The following LYPD5 variants were observed in gnomAD, a reference collection of about 807,000 sequenced individuals.
LYPD5 encodes the protein ly6/PLAUR domain-containing protein 5.
A neutral mutation model predicts 19.1 loss-of-function variants in LYPD5; 21 were observed. That is an observed-to-expected ratio of 1.10 (90% CI 0.78 to 1.58). LYPD5 has a LOEUF of 1.58. Ranked by LOEUF, LYPD5 falls within the 40% of genes most tolerant of loss-of-function variation. LYPD5 has a pLI of 0.00. For synonymous variants in LYPD5, 128 were observed against 142.7 expected (o/e 0.90, Z 0.74); for missense variants, 287 against 329.8 (o/e 0.87, Z 1.00).
Position 43,797,717 on chromosome 19 carries a change from C to T in LYPD5, c.630G>A (p.Gly210=). Residue 210 remains glycine, a synonymous_variant, in exon 5 of 5, where the codon GGG becomes GGA. Transcript: ENST00000377950. ...AIDLQGSCCE[G]YLCNRKSMTQ... is the part of the protein sequence containing the mutation. Reference sequence around the variant, plus strand: ...TCATGGATTTCCTGTTGCAGAGGTACCCCTCACAGCAGGAGCCCTGGAGGT... The same window carrying T: ...TCATGGATTTCCTGTTGCAGAGGTATCCCTCACAGCAGGAGCCCTGGAGGT... 2 of 1,613,624 alleles carry T rather than the reference C, an allele frequency of 1.2e-6. No homozygotes were observed.
At chr19:43,798,746 G>A (rs2146493205) in intron 3 of LYPD5, 66 bp downstream of exon 3, 3 of 1,569,090 alleles carry the variant, frequency 1.9e-6, no homozygotes, top group Admixed American at 3.8e-5. Context: ...CGGAGGCCAC[G>A]CCTTCCCCGA....
intron 2 of LYPD5, 132 bp from the exon 3 acceptor site, chr19:43,799,120 T>G (rs1970183336): frequency 3.5e-6 from 2 of 579,236 alleles, no homozygotes; most frequent in Admixed American, 4.1e-5. Context: ...CTCCTTCCTC[T>G]CACCCCCAGA....
intron 2 of LYPD5, among the ~76,000 whole-genome samples, chr19:43,799,411 C>T (rs1599693358): frequency 6.6e-6 from 1 of 152,102 alleles, no homozygotes; most frequent in African/African-American, 2.4e-5. Context: ...GCCCAGCTAA[C>T]TTTTTGTATA....
chr19:43,811,029 C>T (rs368657835), intron 1 of LYPD5, among the ~76,000 whole-genome samples: 5 of 152,166 alleles, frequency 3.3e-5, no homozygotes, highest in African/African-American at 1.2e-4. Context: ...GTTTCTAATA[C>T]AGCTTTAAAA....
upstream of LYPD5, among the ~76,000 whole-genome samples, chr19:43,806,379 TG>T (rs1039036387): frequency 7.5e-4 from 114 of 152,060 alleles, no homozygotes; most frequent in African/African-American, 2.7e-3. Context: ...ACAAGCTCAG[TG>T]GGCCAAGCGT....
chr19:43,799,761 C>T lies in LYPD5; in HGVS notation c.138G>A (p.Leu46=), dbSNP rs1256953304. Residue 46 remains leucine (L), a synonymous_variant, in exon 2 of 5, where the codon CTG becomes CTA. Coordinates refer to ENST00000377950, the MANE Select transcript of LYPD5 (RefSeq NM_001031749.3). ...FGPFDLRAMK[L]PSISCPHECF... The stretch of plus-strand genomic sequence containing the variant: ...ACTCATGAGGACAGGAGATGCTGGG[C>T]AGCTTCATGGCCCTGAGGTCAAAGG... The T allele has an allele frequency of 1.2e-6, 2 of 1,614,008 alleles. No individual in the cohort carries two copies. The highest frequency in any genetic ancestry group is 8.5e-7 in the Non-Finnish European group (1 of 1,179,956).
chr19:43,802,262 C>G, intron 1 of LYPD5, 55 bp downstream of exon 1: 2 of 1,476,882 alleles, frequency 1.4e-6, no homozygotes, highest in Non-Finnish European at 9.3e-7. Flanking sequence ...TCCCTCAGAT[C>G]TAGGAGTCCA....
chr19:43,798,276 C>A (rs1392069184), intron 4 of LYPD5, among the ~76,000 whole-genome samples, 179 bp downstream of exon 4: 5 of 151,934 alleles, frequency 3.3e-5, no homozygotes, highest in African/African-American at 1.2e-4. Flanking sequence ...CTCCCTCAGA[C>A]CAGGGCCAAA....
chr19:43,820,164 T>C lies in LYPD5; in HGVS notation c.-66+376A>G, dbSNP rs1009414410. On this transcript the variant is annotated intron_variant, in intron 1 of 4. Coordinates refer to the LYPD5 transcript ENST00000414615. ...TTTGACACATACACACAGTCTGTCA[T>C]ACAAAGAGAAACACACCTGCTGTGT... Among the ~76,000 whole-genome samples the C allele has an allele frequency of 2.6e-5, 4 of 152,088 alleles. No individual in the cohort carries two copies. The South Asian group carries it at 8.3e-4, about 32-fold the overall frequency.
In LYPD5 at chr19:43,797,420, T is replaced by C; in HGVS notation, c.*171A>G. 1 of 627,880 alleles carries C rather than the reference T, an allele frequency of 1.6e-6. No homozygotes were observed. The highest frequency in any genetic ancestry group is 2.8e-6 in the Non-Finnish European group (1 of 361,454). 38.9% of individuals were successfully genotyped at this position (627,880 alleles called of 1,614,324 possible). ...ATGCTGGTGACTGTGTCCAGTTTCT[T>C]CCAGTACTGTTGGCCAGGTTGTGGG... is the stretch of plus-strand genomic sequence containing the variant. On this transcript the variant is annotated 3_prime_UTR_variant, in exon 5 of 5. Transcript: ENST00000377950.
chr19:43,797,327 T>G lies in LYPD5; in HGVS notation c.*264A>C. ...TGCCTGGTGCCTGGCTGGTGCTCAG[T>G]GAGTAACAGCTGTGATCAGAATTGC... On this transcript the variant is annotated 3_prime_UTR_variant, in exon 5 of 5. Transcript: ENST00000377950. 1 of 442,922 alleles carries G rather than the reference T, an allele frequency of 2.3e-6. No homozygotes were observed. The highest frequency in any genetic ancestry group is 4.0e-6 in the Non-Finnish European group (1 of 248,000). 27.4% of individuals were successfully genotyped at this position (442,922 alleles called of 1,614,324 possible).
At chr19:43,817,335 G>T (rs1474709769) in intron 1 of LYPD5, among the ~76,000 whole-genome samples, 1 of 152,126 alleles carries the variant, frequency 6.6e-6, no homozygotes, top group Non-Finnish European at 1.5e-5. Context: ...CAAGAAAGCA[G>T]TTTCCATTCA....
chr19:43,801,314 A>AC (rs751891859), intron 1 of LYPD5, among the ~76,000 whole-genome samples: 32 of 152,206 alleles, frequency 2.1e-4, no homozygotes, highest in Admixed American at 3.3e-4. Context: ...AGCCTGGGCA[A>AC]CATAGTGAAA....
Position 43,797,333 on chromosome 19 carries a change from A to C in LYPD5, c.*258T>G. Reference sequence around the variant, plus strand: ...GTGCCTGGCTGGTGCTCAGTGAGTAACAGCTGTGATCAGAATTGCTCTTCA... The same window carrying C: ...GTGCCTGGCTGGTGCTCAGTGAGTACCAGCTGTGATCAGAATTGCTCTTCA... On this transcript the variant is annotated 3_prime_UTR_variant, in exon 5 of 5. Transcript: ENST00000377950. 3 of 459,890 alleles carry C rather than the reference A, an allele frequency of 6.5e-6. No homozygotes were observed. The highest frequency in any genetic ancestry group is 7.8e-6 in the Non-Finnish European group (2 of 257,656). 28.5% of individuals were successfully genotyped at this position (459,890 alleles called of 1,614,324 possible). A position where few individuals can be genotyped will look rare whatever the true frequency, so the allele number is the denominator to read the frequency against.
intron 1 of LYPD5, among the ~76,000 whole-genome samples, chr19:43,818,005 C>T (rs778545747): frequency 2.0e-5 from 3 of 152,274 alleles, no homozygotes; most frequent in Admixed American, 6.5e-5. Flanking sequence ...TGAACTACTG[C>T]GCCCAGCCCA....
intron 1 of LYPD5, among the ~76,000 whole-genome samples, chr19:43,818,793 C>T (rs1337686162): frequency 6.6e-6 from 1 of 152,188 alleles, no homozygotes; most frequent in Non-Finnish European, 1.5e-5. Flanking sequence ...TGTCTGAACT[C>T]TTTCTTAATT....
Position 43,798,859 on chromosome 19 carries a change from C to G in LYPD5, c.323G>C (p.Cys108Ser). ...GTCATGAGTCATGAGGTGGGCGTTG[C>G]ATTTGTCAGTTGTGCAGCCGCGCAC... ...SVVRGCTTDK[C>S]NAHLMTHDAL... The change falls in exon 3 of 5, where the codon TGC becomes TCC. Residue 108 changes from cysteine (C) to serine (S), a missense_variant. Cys to Ser is a moderately radical substitution (Grantham distance 112). Transcript: ENST00000377950. 1 of 1,610,660 alleles carries G rather than the reference C, an allele frequency of 6.2e-7. No homozygotes were observed. The highest frequency in any genetic ancestry group is 1.1e-5 in the South Asian group (1 of 90,350).
upstream of LYPD5, among the ~76,000 whole-genome samples, chr19:43,805,785 G>T (rs1260647551): frequency 6.6e-6 from 1 of 152,232 alleles, no homozygotes; most frequent in East Asian, 1.9e-4. Context: ...TGGGATTACA[G>T]GCGTGAACCA....
intron 4 of LYPD5, 140 bp downstream of exon 4, chr19:43,798,312 CCTT>C: frequency 9.3e-7 from 1 of 1,075,578 alleles, no homozygotes; most frequent in Non-Finnish European, 1.4e-6. Context: ...CAGGGTCAAA[CCTT>C]CTCCCTCAGA....
Sources: allele counts gnomAD v4.1 joint callset (sites outside exome capture counted in the v4.1 genomes callset), GRCh38; gene constraint gnomAD v4.1.1; transcripts MANE v1.5; gene names NCBI Gene and HGNC (gene_info 2026-07-23, HGNC 2026-07-21).